HIP1R: variants seen among roughly 807,000 people sequenced by gnomAD.
The protein encoded by HIP1R is huntingtin-interacting protein 1-related protein.
A neutral mutation model predicts 144.2 loss-of-function variants in HIP1R; 135 were observed. The ratio of observed to expected loss-of-function variants is 0.94; its 90% CI spans 0.81 to 1.08. The LOEUF (loss-of-function observed/expected upper bound fraction) is 1.08, where lower values mean the gene tolerates loss of function less well. Among genes scored for constraint, HIP1R ranks in the 50% least tolerant of loss-of-function variants. HIP1R has a pLI of 0.00. For synonymous variants in HIP1R, 698 were observed against 612.8 expected (o/e 1.14, Z -2.05); for missense variants, 1,462 against 1,432.8 (o/e 1.02, Z -0.33).
intron 28 of HIP1R, 30 bp from the exon 29 acceptor site, chr12:122,860,886 C>T (rs1555263924): frequency 6.2e-7 from 1 of 1,602,388 alleles, no homozygotes; most frequent in East Asian, 2.3e-5. Flanking sequence ...GCTGGGAGAC[C>T]TGGGCCCACC....
In HIP1R at chr12:122,860,834, C is replaced by T. The variant is rs570631128; in HGVS notation, c.2766+50C>T. 13 of 1,599,276 alleles carry T rather than the reference C, an allele frequency of 8.1e-6. No homozygotes were observed. In the South Asian group the frequency reaches 1.1e-4, roughly 14 times the overall value. ...ACACTGGGCTCTGGGCCCAGCTTGG[C>T]CTGGGCTGTGGCTGCCAAGCCCAGG... On this transcript the variant is annotated intron_variant, in intron 28 of 31. Transcript: ENST00000253083.
chr12:122,835,055 C>G (rs971573998), upstream of HIP1R: 16 of 1,235,370 alleles, frequency 1.3e-5, no homozygotes, highest in African/African-American at 2.5e-4. Flanking sequence ...GGGTCCCTAC[C>G]CTGGGTGGAA....
In HIP1R at chr12:122,836,750, A is replaced by C. The variant is rs1381145522; in HGVS notation, c.93+1107A>C. Among the ~76,000 whole-genome samples, 1 of 152,182 alleles carries C rather than the reference A, an allele frequency of 6.6e-6. No individual in the cohort carries two copies. Among genetic ancestry groups the C allele is most frequent in the African/African-American group, 2.4e-5 (1 of 41,434 alleles). ...GTCCCACTTGTCCTTGCAGAGAGCT[A>C]TGACTTCTGCGGTTGCCTTCACATC... On this transcript the variant is annotated intron_variant, in intron 1 of 31. Transcript: ENST00000253083. This position sits in a 1 kb window ranked among gnomAD's most constrained non-coding sequence, Gnocchi z 4.1.
Position 122,858,366 on chromosome 12 carries a change from GC to G in HIP1R, c.1984del (p.Gln662ArgfsTer7). On this transcript the variant is annotated frameshift_variant, in exon 20 of 32. Transcript: ENST00000253083. LOFTEE classifies it high-confidence loss of function. ...TSSPDYLVSR[A>X]QEALDAVSTL... is the part of the protein sequence containing the mutation. ...GCTTGCAGACTACCTGGTGAGCAGG[GC>G]CCAGGAGGCCTTGGATGCCGTGAGC... 6.2e-7 allele frequency: 1 copy of G among 1,610,562 alleles called. No homozygotes were observed.
chr12:122,839,212 A>G (rs2032989205), intron 1 of HIP1R, among the ~76,000 whole-genome samples: 1 of 152,252 alleles, frequency 6.6e-6, no homozygotes, highest in Non-Finnish European at 1.5e-5. Context: ...AGTACTGGAA[A>G]TGCTAATGGT....
chr12:122,848,688 C>G (rs1166300317), intron 3 of HIP1R, 80 bp downstream of exon 3: 1 of 1,592,774 alleles, frequency 6.3e-7, no homozygotes, highest in African/African-American at 1.3e-5. Context: ...CTGTTCCTGT[C>G]CCCGTAGCTC....
Position 122,858,872 on chromosome 12 carries a change from C to T in HIP1R, c.2085C>T (p.Phe695=). Residue 695 remains phenylalanine, a synonymous_variant, in exon 21 of 32, where the codon TTC becomes TTT. Transcript: ENST00000253083. ...ASALVAALTR[F]SHLAADTIIN... is the part of the protein sequence containing the mutation. ...CCCTGGTGGCAGCTCTGACCCGCTTCTCCCACCTGGCTGCGGATACCATCA... is the reference window on the plus strand; with the variant it reads ...CCCTGGTGGCAGCTCTGACCCGCTTTTCCCACCTGGCTGCGGATACCATCA... The T allele has an allele frequency of 1.2e-6, 2 of 1,613,328 alleles. No individual in the cohort carries two copies. Among genetic ancestry groups the T allele is most frequent in the Non-Finnish European group, 1.7e-6 (2 of 1,180,018 alleles).
At chr12:122,841,265 A>T (rs2033048860) in intron 1 of HIP1R, among the ~76,000 whole-genome samples, 1 of 152,212 alleles carries the variant, frequency 6.6e-6, no homozygotes, top group Non-Finnish European at 1.5e-5. Flanking sequence ...CTGCTTCCAC[A>T]TCTGCCCTGA....
chr12:122,860,370 A>G, intron 26 of HIP1R, 53 bp from the exon 27 acceptor site: 3 of 1,596,144 alleles, frequency 1.9e-6, no homozygotes, highest in Non-Finnish European at 1.7e-6. Flanking sequence ...GCCACTTTCC[A>G]CCTTTGGTGT....
chr12:122,848,219 G>A, intron 2 of HIP1R, 125 bp downstream of exon 2: 10 of 1,070,368 alleles, frequency 9.3e-6, no homozygotes, highest in Admixed American at 8.3e-5. Flanking sequence ...GGGGAGGAGG[G>A]TCCTGTGCAG....
At chr12:122,837,728 C>T (rs971346800) in intron 1 of HIP1R, among the ~76,000 whole-genome samples, 6 of 152,126 alleles carry the variant, frequency 3.9e-5, no homozygotes, top group African/African-American at 1.4e-4. Flanking sequence ...ATTCTAGGGC[C>T]CCATTTTCTG....
rs555083819 is a variant in HIP1R, at chr12:122,854,951, G to A, written c.765G>A (p.Glu255=). 1 of 1,612,120 alleles carries A rather than the reference G, an allele frequency of 6.2e-7. No individual in the cohort carries two copies. Among genetic ancestry groups the A allele is most frequent in the African/African-American group, 1.3e-5 (1 of 74,910 alleles). The part of the protein sequence containing the change: ...TLQGHRDRFH[E]QFHSLRNFFR... ...AAGGCCACAGGGACCGGTTCCACGAGCAGTTTCACAGGTACTGCCTGGGAC... is the reference window on the plus strand; with the variant it reads ...AAGGCCACAGGGACCGGTTCCACGAACAGTTTCACAGGTACTGCCTGGGAC... Residue 255 remains glutamate (E), a synonymous_variant, in exon 9 of 32, where the codon GAG becomes GAA. Transcript: ENST00000253083.
Position 122,856,689 on chromosome 12 carries a change from T to C in HIP1R, c.1583T>C (p.Leu528Pro). 3 of 1,595,186 alleles carry C rather than the reference T, an allele frequency of 1.9e-6. No individual in the cohort carries two copies. The highest frequency in any genetic ancestry group is 2.6e-6 in the Non-Finnish European group (3 of 1,171,394). Residue 528 changes from leucine (L) to proline (P), a missense_variant, in exon 17 of 32, where the codon CTG becomes CCG. This residue lies in a region of HIP1R where 1,112 missense variants were observed against 1,011.7 expected (regional missense o/e 1.10). Transcript: ENST00000253083. ...KRELEAKAGELARAQEALSHT... is the reference protein window; with the variant it reads ...KRELEAKAGEPARAQEALSHT... ...GAGCTGGAGGCCAAGGCCGGAGAGC[T>C]GGCCCGCGCGCAGGAGGCCCTGAGC...
At position 122,856,498 on chromosome 12, in the gene HIP1R, G is replaced by C. The variant is rs199946215; in HGVS notation, c.1468G>C (p.Glu490Gln). Residue 490 changes from glutamate (E) to glutamine (Q), a missense_variant, in exon 16 of 32, where the codon GAG becomes CAG. By Grantham distance (29) the Glu-to-Gln change is conservative. Coordinates refer to ENST00000253083, the MANE Select transcript of HIP1R (RefSeq NM_003959.3). ...QSQEEVARVK[E>Q]QLAFQVEQVK... The stretch of plus-strand genomic sequence containing the variant: ...CCAGGAGGAGGTGGCGCGGGTGAAG[G>C]AGCAGCTGGCCTTCCAGGTGGAGCA... The C allele has an allele frequency of 8.2e-6, 13 of 1,594,434 alleles. No homozygotes were observed. Among genetic ancestry groups the C allele is most frequent in the Non-Finnish European group, 3.4e-6 (4 of 1,170,030 alleles).
chr12:122,838,762 A>C (rs2032976843), intron 1 of HIP1R, among the ~76,000 whole-genome samples: 1 of 152,206 alleles, frequency 6.6e-6, no homozygotes, highest in South Asian at 2.1e-4. Context: ...GTAATCACAA[A>C]GGTCTTTAAA....
chr12:122,855,253 C>T lies in HIP1R; in HGVS notation c.853-12C>T. The T allele has an allele frequency of 6.2e-7, 1 of 1,612,438 alleles. No individual in the cohort carries two copies. The highest frequency in any genetic ancestry group is 8.5e-7 in the Non-Finnish European group (1 of 1,179,696). On this transcript the variant is annotated splice_polypyrimidine_tract_variant and intron_variant, in intron 10 of 31. Transcript: ENST00000253083. ...GGGACAGCTGAGCAGGTCCCACCTGCCGCCCCTGCAGGGACCCCCTAACTT... is the reference window on the plus strand; with the variant it reads ...GGGACAGCTGAGCAGGTCCCACCTGTCGCCCCTGCAGGGACCCCCTAACTT...
At chr12:122,860,848 G>A (rs942584126) in intron 28 of HIP1R, 64 bp downstream of exon 28, 25 of 1,595,406 alleles carry the variant, frequency 1.6e-5, no homozygotes, top group African/African-American at 6.7e-5. Flanking sequence ...GGCTGTGGCT[G>A]CCAAGCCCAG....
At chr12:122,857,899 TG>T (rs2033641623) in intron 18 of HIP1R, 1 of 443,786 alleles carries the variant, frequency 2.3e-6, no homozygotes, top group African/African-American at 2.0e-5. Context: ...TTTAGGACCT[TG>T]AGCTCACGTT....
Position 122,837,611 on chromosome 12 carries a change from C to T in HIP1R, c.93+1968C>T, listed in dbSNP as rs577285160. ...GATGTTGGGATTACAGGCACCTCTC[C>T]GAAGGTGGATTGTTTTGTTTTGTTT... On this transcript the variant is annotated intron_variant, in intron 1 of 31. Transcript: ENST00000253083. 3.3e-5 allele frequency among the ~76,000 whole-genome samples: 5 copies of T among 152,268 alleles called. No homozygotes were observed. In the East Asian group the frequency reaches 9.7e-4, roughly 29 times the overall value.
Sources: gnomAD v4.1 joint callset for allele counts (sites outside exome capture counted in the v4.1 genomes callset) on GRCh38, gnomAD v4.1.1 for gene constraint, gnomAD v4.1.1 regional missense constraint, Gnocchi (gnomAD v3.1) non-coding constraint, MANE v1.5 for transcripts, NCBI Gene and HGNC (gene_info 2026-07-23, HGNC 2026-07-21) for gene names.